Variants in AGBL4 observed in about 807,000 individuals in gnomAD.
The protein encoded by AGBL4 is cytosolic carboxypeptidase 6.
In AGBL4, 58 loss-of-function variants were observed where a neutral mutation model predicts 66.4. That is an observed-to-expected ratio of 0.87 (90% CI 0.71 to 1.09). The LOEUF is 1.09. AGBL4 is among the 50% of genes least tolerant of loss of function. The pLI is 0.00. For missense variants in AGBL4, 579 were observed against 631.0 expected (o/e 0.92, Z 0.88); for synonymous variants, 234 against 222.9 (o/e 1.05, Z -0.44).
chr1:49,262,155 C>A (rs903382346), intron 3 of AGBL4, among the ~76,000 whole-genome samples: 15 of 152,212 alleles, frequency 9.9e-5, no homozygotes, highest in South Asian at 4.1e-4. Context: ...ATACAAAAAT[C>A]AATTCAAGAT....
chr1:49,485,312 A>T (rs1647042246), intron 3 of AGBL4, among the ~76,000 whole-genome samples: 2 of 151,924 alleles, frequency 1.3e-5, no homozygotes. Context: ...TTGTAGGAAC[A>T]TGGATGAAGC....
chr1:48,929,354 A>G (rs1654848015), intron 5 of AGBL4, among the ~76,000 whole-genome samples: 1 of 152,166 alleles, frequency 6.6e-6, no homozygotes, highest in Admixed American at 6.5e-5. Context: ...CAGTTAAAAA[A>G]CATGCCACTT....
intron 4 of AGBL4, among the ~76,000 whole-genome samples, chr1:49,094,535 G>A (rs1320832781): frequency 2.0e-5 from 3 of 152,140 alleles, no homozygotes; most frequent in Non-Finnish European, 2.9e-5. Flanking sequence ...CAGGGATGAA[G>A]CCCACTTGAT....
chr1:49,481,244 G>A (rs1429612822), intron 3 of AGBL4, among the ~76,000 whole-genome samples: 1 of 152,012 alleles, frequency 6.6e-6, no homozygotes, highest in Non-Finnish European at 1.5e-5. Context: ...TAACAATAAT[G>A]ATTCTTTCTA....
intron 3 of AGBL4, among the ~76,000 whole-genome samples, chr1:49,691,949 A>C (rs573013072): frequency 6.6e-6 from 1 of 152,184 alleles, no homozygotes; most frequent in African/African-American, 2.4e-5. Flanking sequence ...CTATTGTGGG[A>C]CCTTGTGATC....
At chr1:48,805,064 C>T (rs1645892775) in intron 6 of AGBL4, among the ~76,000 whole-genome samples, 1 of 152,114 alleles carries the variant, frequency 6.6e-6, no homozygotes, top group African/African-American at 2.4e-5. Flanking sequence ...ATCTGTTCAG[C>T]AAATCTCAGA....
chr1:49,551,897 C>T (rs1652987687), intron 3 of AGBL4, among the ~76,000 whole-genome samples: 1 of 152,088 alleles, frequency 6.6e-6, no homozygotes, highest in Non-Finnish European at 1.5e-5. Context: ...CCAGGTGGGG[C>T]AGGAAAGGAC....
At chr1:49,443,286 G>A (rs1439436878) in intron 3 of AGBL4, among the ~76,000 whole-genome samples, 2 of 151,938 alleles carry the variant, frequency 1.3e-5, no homozygotes, top group Admixed American at 1.3e-4. Context: ...AGTCACATTT[G>A]CCTATTTTCA....
chr1:49,036,998 C>T (rs1013428680), intron 5 of AGBL4, among the ~76,000 whole-genome samples: 3 of 151,512 alleles, frequency 2.0e-5, no homozygotes, highest in Admixed American at 6.6e-5. Context: ...GTGTGTGAGC[C>T]GAGACTGAAA....
chr1:49,045,688 C>T lies in AGBL4; in HGVS notation c.490G>A (p.Ala164Thr), dbSNP rs1644061730. 1.3e-6 allele frequency: 2 copies of T among 1,564,996 alleles called. No homozygotes were observed. The highest frequency in any genetic ancestry group is 1.7e-6 in the Non-Finnish European group (2 of 1,153,398). ...FDREEDIYQF[A>T]YCYPYTYTRF... ...GTGTATGTATATGGGTAGCAGTAAGCAAACTGGTAAATATCTTCTTCTCGG... is the reference window on the plus strand; with the variant it reads ...GTGTATGTATATGGGTAGCAGTAAGTAAACTGGTAAATATCTTCTTCTCGG... Residue 164 changes from alanine (A) to threonine (T), a missense_variant, in exon 5 of 14, where the codon GCT becomes ACT. Transcript: ENST00000371839.
intron 2 of AGBL4, among the ~76,000 whole-genome samples, chr1:49,793,516 A>C (rs1644655393): frequency 6.6e-6 from 1 of 152,046 alleles, no homozygotes; most frequent in African/African-American, 2.4e-5. Context: ...GATGGAGTGA[A>C]TACCACAGGT....
chr1:48,682,262 C>G (rs1646466992), intron 6 of AGBL4, among the ~76,000 whole-genome samples: 1 of 152,226 alleles, frequency 6.6e-6, no homozygotes, highest in South Asian at 2.1e-4. Flanking sequence ...GTTATGCAGA[C>G]CAAAGTCATA....
chr1:49,567,679 T>G (rs1644241702), intron 3 of AGBL4, among the ~76,000 whole-genome samples: 1 of 152,196 alleles, frequency 6.6e-6, no homozygotes, highest in South Asian at 2.1e-4. Flanking sequence ...CCTTAGATAT[T>G]AAGCCCAGCA....
intron 9 of AGBL4, among the ~76,000 whole-genome samples, chr1:48,596,241 C>T (rs192269966): frequency 6.6e-6 from 1 of 152,248 alleles, no homozygotes; most frequent in East Asian, 1.9e-4. Flanking sequence ...GTTCCTTCAG[C>T]TCTGAGCTGA....
chr1:49,278,272 G>A (rs980762741), intron 3 of AGBL4, among the ~76,000 whole-genome samples: 3 of 151,610 alleles, frequency 2.0e-5, no homozygotes, highest in East Asian at 1.9e-4. Flanking sequence ...TTGGAATCAC[G>A]TCCCAGGTTA....
intron 4 of AGBL4, among the ~76,000 whole-genome samples, chr1:49,087,451 T>C (rs558345861): frequency 6.6e-6 from 1 of 152,302 alleles, no homozygotes; most frequent in Admixed American, 6.5e-5. Context: ...TACAATTGCA[T>C]GTACTAGCAG....
intron 3 of AGBL4, among the ~76,000 whole-genome samples, chr1:49,518,694 C>G (rs898874808): frequency 4.6e-5 from 7 of 151,868 alleles, no homozygotes; most frequent in African/African-American, 1.7e-4. Flanking sequence ...GCAAAAGCAC[C>G]TTGATACTAT....
chr1:49,861,345 G>A (rs867592431), intron 1 of AGBL4, among the ~76,000 whole-genome samples: 1 of 152,058 alleles, frequency 6.6e-6, no homozygotes, highest in Non-Finnish European at 1.5e-5. Flanking sequence ...CTAGGCTGTA[G>A]AGCTTGTGGT....
chr1:49,292,592 CCTCGTCTCTGCTGAGAG>C (rs1644563082), intron 3 of AGBL4, among the ~76,000 whole-genome samples: 1 of 152,148 alleles, frequency 6.6e-6, no homozygotes, highest in Non-Finnish European at 1.5e-5. Context: ...CACTACAGGA[CCTCGTCTCTGCTGAGAG>C]CTAAACAATC....
Sources: allele counts gnomAD v4.1 joint callset (sites outside exome capture counted in the v4.1 genomes callset), GRCh38; gene constraint gnomAD v4.1.1; transcripts MANE v1.5; gene names NCBI Gene and HGNC (gene_info 2026-07-23, HGNC 2026-07-21).